The following LIMCH1 variants were observed in gnomAD, a reference collection of about 807,000 sequenced individuals.
The protein encoded by LIMCH1 is LIM and calponin homology domains-containing protein 1.
In LIMCH1, 113 loss-of-function variants were observed where a neutral mutation model predicts 176.5. The ratio of observed to expected loss-of-function variants is 0.64; its 90% CI spans 0.55 to 0.75. The LOEUF (loss-of-function observed/expected upper bound fraction) is 0.75. Ranked by LOEUF, LIMCH1 falls within the 30% of genes least tolerant of loss-of-function variation. The pLI, the probability that LIMCH1 is intolerant of heterozygous loss-of-function variation, is 0.00. For missense variants in LIMCH1, 1,674 were observed against 1,814.9 expected, an observed-to-expected ratio of 0.92 and a Z score of 1.41; for synonymous variants, 619 against 645.9, an observed-to-expected ratio of 0.96 and a Z score of 0.63.
chr4:41,506,963 C>T (rs1374034698), intron 2 of LIMCH1, among the ~76,000 whole-genome samples: 2 of 152,172 alleles, frequency 1.3e-5, no homozygotes, highest in Non-Finnish European at 2.9e-5. Context: ...ATAACAGGTC[C>T]TCAGGTGATC....
chr4:41,361,588 G>C (rs2052064092), intron 1 of LIMCH1, among the ~76,000 whole-genome samples: 1 of 152,216 alleles, frequency 6.6e-6, no homozygotes, highest in Non-Finnish European at 1.5e-5. Context: ...CCATCCCAAG[G>C]ACTGCAGGGT....
At chr4:41,695,216 A>AT (rs1310559918) in intron 31 of LIMCH1, among the ~76,000 whole-genome samples, 1 of 151,254 alleles carries the variant, frequency 6.6e-6, no homozygotes, top group Non-Finnish European at 1.5e-5. Context: ...AAATATATAT[A>AT]TTTAATACAT....
chr4:41,567,302 TTAA>T (rs1561775779), intron 1 of LIMCH1, among the ~76,000 whole-genome samples: 1 of 152,188 alleles, frequency 6.6e-6, no homozygotes, highest in Non-Finnish European at 1.5e-5. Flanking sequence ...GTTTTTAAGA[TTAA>T]TGAGATAATA....
At position 41,626,784 on chromosome 4, in the gene LIMCH1, C is replaced by G. The variant is rs1338859082; in HGVS notation, c.802C>G (p.Gln268Glu). The change falls in exon 8 of 32, where the codon CAA (glutamine) becomes GAA (glutamate). Residue 268 changes from glutamine to glutamate, a missense_variant. By Grantham distance (29) the Gln-to-Glu change is conservative. Around this residue, in one of 3 missense-constraint regions of LIMCH1, gnomAD observed 655 missense variants for 692.2 expected, o/e 0.95. Coordinates refer to ENST00000503057, the MANE Select transcript of LIMCH1 (RefSeq NM_001330672.2). Reference protein sequence around the residue: ...LRKENSFLTHQHGNDSEAEGE... With the variant: ...LRKENSFLTHEHGNDSEAEGE... ...CAAAGAAAACTCTTTCCTGACCCACCAACATGGCAACGATTCAGAGGCAGA... is the reference window on the plus strand; with the variant it reads ...CAAAGAAAACTCTTTCCTGACCCACGAACATGGCAACGATTCAGAGGCAGA... 2 of 1,536,228 alleles carry G rather than the reference C, an allele frequency of 1.3e-6. No individual in the cohort carries two copies. The highest frequency in any genetic ancestry group is 1.7e-6 in the Non-Finnish European group (2 of 1,146,970).
intron 1 of LIMCH1, among the ~76,000 whole-genome samples, chr4:41,549,087 A>T (rs1209304891): frequency 6.6e-6 from 1 of 151,330 alleles, no homozygotes; most frequent in Non-Finnish European, 1.5e-5. Context: ...ACTTGGTCTC[A>T]CTATGTTGCC....
chr4:41,537,640 A>G (rs1245734539), upstream of LIMCH1, among the ~76,000 whole-genome samples: 1 of 152,192 alleles, frequency 6.6e-6, no homozygotes, highest in Non-Finnish European at 1.5e-5. Flanking sequence ...CTCATCTATA[A>G]GATGGGGTTG....
intron 1 of LIMCH1, among the ~76,000 whole-genome samples, chr4:41,414,616 T>C (rs2059768935): frequency 6.6e-6 from 1 of 152,148 alleles, no homozygotes; most frequent in Non-Finnish European, 1.5e-5. Context: ...TGATGTAAAA[T>C]TATGCATTAT....
chr4:41,623,629 C>CCCA (rs1161032172), intron 7 of LIMCH1, among the ~76,000 whole-genome samples: 1 of 152,088 alleles, frequency 6.6e-6, no homozygotes, highest in Non-Finnish European at 1.5e-5. Context: ...GGCGTGGTGG[C>CCCA]ATAGGCCTGT....
intron 14 of LIMCH1, among the ~76,000 whole-genome samples, chr4:41,641,535 T>C (rs2093824411): frequency 6.6e-6 from 1 of 152,286 alleles, no homozygotes; most frequent in East Asian, 1.9e-4. Flanking sequence ...GAATGAGAAG[T>C]GTTTCAGATT....
intron 1 of LIMCH1, among the ~76,000 whole-genome samples, chr4:41,467,832 C>T (rs1337108716): frequency 2.0e-5 from 3 of 152,222 alleles, no homozygotes; most frequent in African/African-American, 7.2e-5. Context: ...CAACATTGTG[C>T]TTGTAGGTAC....
chr4:41,646,654 T>G lies in LIMCH1; in HGVS notation c.2581T>G (p.Leu861Val), dbSNP rs1041194742. 3.1e-6 allele frequency: 5 copies of G among 1,614,012 alleles called. No homozygotes were observed. The East Asian group carries it at 8.9e-5, about 29-fold the overall frequency. The part of the protein sequence containing the change: ...LERSHSTEPN[L>V]SSFLNDPNPM... Reference sequence around the variant, plus strand: ...AAGAAGCCATTCAACAGAGCCAAATTTATCCTCCTTCCTGAATGACCCCAA... The same window carrying G: ...AAGAAGCCATTCAACAGAGCCAAATGTATCCTCCTTCCTGAATGACCCCAA... The change falls in exon 17 of 32, where the codon TTA becomes GTA. Residue 861 changes from leucine (L) to valine (V), a missense_variant. Coordinates refer to ENST00000503057, the MANE Select transcript of LIMCH1 (RefSeq NM_001330672.2).
chr4:41,573,154 A>T (rs916023470), intron 1 of LIMCH1, among the ~76,000 whole-genome samples: 5 of 152,214 alleles, frequency 3.3e-5, no homozygotes, highest in Admixed American at 2.6e-4. Context: ...ATAAGCAGTG[A>T]ATTTTCAGAC....
chr4:41,606,366 G>A (rs772108571), intron 4 of LIMCH1, among the ~76,000 whole-genome samples: 2 of 152,082 alleles, frequency 1.3e-5, no homozygotes, highest in African/African-American at 2.4e-5. Flanking sequence ...ATGAAGACTC[G>A]CTCTGCACTT....
At chr4:41,687,647 C>A (rs1470174648) in intron 28 of LIMCH1, among the ~76,000 whole-genome samples, 193 bp from the exon 29 acceptor site, 1 of 151,350 alleles carries the variant, frequency 6.6e-6, no homozygotes, top group African/African-American at 2.4e-5. Context: ...AATACATGTA[C>A]AATTCTTGCT....
intron 1 of LIMCH1, among the ~76,000 whole-genome samples, chr4:41,413,147 C>T (rs771133346): frequency 3.2e-4 from 48 of 151,506 alleles, no homozygotes; most frequent in Non-Finnish European, 6.6e-4. Flanking sequence ...ATTGTTTTCT[C>T]CTGAGTCCTC....
intron 1 of LIMCH1, among the ~76,000 whole-genome samples, chr4:41,402,911 G>T (rs1209332299): frequency 6.6e-6 from 1 of 150,992 alleles, no homozygotes; most frequent in Non-Finnish European, 1.5e-5. Flanking sequence ...CACCAGCATG[G>T]CACATGTATA....
chr4:41,380,058 G>C (rs191261125), intron 1 of LIMCH1, among the ~76,000 whole-genome samples: 37 of 152,190 alleles, frequency 2.4e-4, no homozygotes, highest in Non-Finnish European at 5.1e-4. Flanking sequence ...ACCCGTTTTG[G>C]CCTCCCAAAG....
intron 1 of LIMCH1, among the ~76,000 whole-genome samples, chr4:41,454,476 A>G (rs906024189): frequency 6.6e-6 from 1 of 151,084 alleles, no homozygotes; most frequent in African/African-American, 2.4e-5. Flanking sequence ...AGAGAGAGGG[A>G]GAGAGAGAGA....
intron 1 of LIMCH1, among the ~76,000 whole-genome samples, chr4:41,457,645 G>C (rs1188430524): frequency 6.6e-6 from 1 of 152,174 alleles, no homozygotes; most frequent in Non-Finnish European, 1.5e-5. Flanking sequence ...AACGTAGGCA[G>C]TGTGCAGTTT....
Sources: gnomAD v4.1 joint callset for allele counts (sites outside exome capture counted in the v4.1 genomes callset) on GRCh38, gnomAD v4.1.1 for gene constraint, gnomAD v4.1.1 regional missense constraint, MANE v1.5 for transcripts, NCBI Gene and HGNC (gene_info 2026-07-23, HGNC 2026-07-21) for gene names.